HYAL4: variants seen among roughly 807,000 people sequenced by gnomAD.
The protein encoded by HYAL4 is hyaluronidase-4.
In HYAL4, 37 loss-of-function variants were observed where a neutral mutation model predicts 35.2. The observed-to-expected ratio is 1.05, with a 90% CI of 0.81 to 1.38. The LOEUF (loss-of-function observed/expected upper bound fraction) is 1.38. Ranked by LOEUF, HYAL4 falls within the 40% of genes most tolerant of loss-of-function variation. HYAL4 has a pLI of 0.00. For synonymous variants in HYAL4, 198 were observed against 203.2 expected, an observed-to-expected ratio of 0.97 and a Z score of 0.22; for missense variants, 572 against 572.4, an observed-to-expected ratio of 1.00 and a Z score of 0.01.
At chr7:123,843,306 T>A (rs1024791537), upstream of HYAL4, among the ~76,000 whole-genome samples, 2 of 152,076 alleles carry the variant, frequency 1.3e-5, no homozygotes, top group African/African-American at 4.8e-5. Context: ...TTCTTTTCTT[T>A]AAGAATGTTG....
At chr7:123,873,312 A>G (rs937901019) in intron 3 of HYAL4, among the ~76,000 whole-genome samples, 19 of 152,128 alleles carry the variant, frequency 1.2e-4, no homozygotes, top group Non-Finnish European at 2.1e-4. Context: ...TATTATAATC[A>G]TAGGGAATGA....
upstream of HYAL4, among the ~76,000 whole-genome samples, chr7:123,842,350 T>C (rs750349630): frequency 3.9e-5 from 6 of 152,088 alleles, no homozygotes; most frequent in Non-Finnish European, 7.4e-5. Flanking sequence ...GATTGCACTG[T>C]GGTCTGAGAG....
intron 2 of HYAL4, among the ~76,000 whole-genome samples, chr7:123,862,664 T>C (rs903464788): frequency 1.3e-5 from 2 of 151,808 alleles, no homozygotes; most frequent in Middle Eastern, 3.4e-3. Flanking sequence ...GTGGTGATTA[T>C]TTAAAATATT....
chr7:123,858,029 T>C (rs1402689132), intron 2 of HYAL4, among the ~76,000 whole-genome samples: 1 of 152,098 alleles, frequency 6.6e-6, no homozygotes, highest in Non-Finnish European at 1.5e-5. Context: ...AAACCCTGTC[T>C]CTGCCAAAAT....
At chr7:123,764,962 A>G in the HYAL4 span, among the ~76,000 whole-genome samples, 1 of 152,222 alleles carries the variant, frequency 6.6e-6, no homozygotes, top group Non-Finnish European at 1.5e-5. Context: ...AATATATTCA[A>G]CCAAAGTGTC....
At chr7:123,853,039 T>C (rs1286077579) in intron 2 of HYAL4, among the ~76,000 whole-genome samples, 1 of 152,174 alleles carries the variant, frequency 6.6e-6, no homozygotes, top group East Asian at 1.9e-4. Context: ...TCTCCGTTGG[T>C]CTATCATTGG....
At chr7:123,843,094 C>T (rs1037063262), upstream of HYAL4, among the ~76,000 whole-genome samples, 2 of 151,972 alleles carry the variant, frequency 1.3e-5, no homozygotes, top group Non-Finnish European at 2.9e-5. Context: ...TTCATAGCAT[C>T]GATGGTCTTT....
chr7:123,798,584 G>T, the HYAL4 span, among the ~76,000 whole-genome samples: 1 of 152,162 alleles, frequency 6.6e-6, no homozygotes, highest in African/African-American at 2.4e-5. Flanking sequence ...TGGGACAGGT[G>T]GTTGGGTGTG....
At chr7:123,831,917 G>T (rs2116906324) in intron 1 of HYAL4, among the ~76,000 whole-genome samples, 1 of 152,236 alleles carries the variant, frequency 6.6e-6, no homozygotes, top group Non-Finnish European at 1.5e-5. Context: ...TCATGGAAAA[G>T]GAGTGTAATT....
At chr7:123,840,892 G>T (rs1043131179), upstream of HYAL4, among the ~76,000 whole-genome samples, 1 of 152,024 alleles carries the variant, frequency 6.6e-6, no homozygotes, top group Non-Finnish European at 1.5e-5. Flanking sequence ...TTTGGGCTGA[G>T]ACGATGGGGT....
At chr7:123,856,304 A>G (rs1806435967) in intron 2 of HYAL4, among the ~76,000 whole-genome samples, 1 of 152,078 alleles carries the variant, frequency 6.6e-6, no homozygotes, top group African/African-American at 2.4e-5. Flanking sequence ...GCATTTTTGC[A>G]CTGGTTTTTC....
At chr7:123,805,232 C>T in the HYAL4 span, among the ~76,000 whole-genome samples, 19,104 of 152,206 alleles carry the variant, frequency 0.13, 1,277 homozygotes, top group Non-Finnish European at 0.14. Context: ...ATACATCTGA[C>T]TTTCATATAT....
intron 1 of HYAL4, among the ~76,000 whole-genome samples, chr7:123,845,945 T>A (rs941088647): frequency 1.9e-4 from 29 of 152,216 alleles, no homozygotes; most frequent in African/African-American, 6.8e-4. Context: ...ACCTAGCTGG[T>A]CTGCCAGGCT....
intron 2 of HYAL4, among the ~76,000 whole-genome samples, chr7:123,858,629 T>C (rs993319624): frequency 3.9e-5 from 6 of 152,202 alleles, no homozygotes; most frequent in African/African-American, 1.2e-4. Flanking sequence ...TTCATAAATA[T>C]AATTTTCAAA....
chr7:123,839,498 C>A (rs2116914187), intron 1 of HYAL4, among the ~76,000 whole-genome samples: 1 of 152,156 alleles, frequency 6.6e-6, no homozygotes, highest in Admixed American at 6.5e-5. Context: ...GGGTATATAC[C>A]CAGTAATGGG....
the HYAL4 span, among the ~76,000 whole-genome samples, chr7:123,774,183 A>G: frequency 6.6e-6 from 1 of 152,006 alleles, no homozygotes; most frequent in Non-Finnish European, 1.5e-5. Flanking sequence ...CTATAGGTAT[A>G]TATGACCATG....
chr7:123,861,688 A>G (rs191474304), intron 2 of HYAL4, among the ~76,000 whole-genome samples: 3 of 152,328 alleles, frequency 2.0e-5, no homozygotes, highest in Admixed American at 2.0e-4. Flanking sequence ...TGACACTGAA[A>G]TAGTCATTTT....
In HYAL4 at chr7:123,869,720, T is replaced by C. The variant is rs182066698; in HGVS notation, c.954+493T>C. On this transcript the variant is annotated intron_variant, in intron 3 of 4. Transcript: ENST00000223026. The stretch of plus-strand genomic sequence containing the variant: ...TTTTCTTCAAGATGGAGTTTTTTGT[T>C]CTTGTCACCTAGGCTGGAGTGTAAT... Among the ~76,000 whole-genome samples the C allele has an allele frequency of 1.3e-5, 2 of 152,048 alleles. 1 individual carries two copies. The highest frequency in any genetic ancestry group is 2.9e-5 in the Non-Finnish European group (2 of 67,958).
chr7:123,874,086 T>G, intron 3 of HYAL4, among the ~76,000 whole-genome samples: 1 of 152,184 alleles, frequency 6.6e-6, no homozygotes, highest in East Asian at 1.9e-4. Flanking sequence ...GAAGGAAAAC[T>G]TTTGGATTCT....
Sources: gnomAD v4.1 joint callset for allele counts (sites outside exome capture counted in the v4.1 genomes callset) on GRCh38, gnomAD v4.1.1 for gene constraint, MANE v1.5 for transcripts, NCBI Gene and HGNC (gene_info 2026-07-23, HGNC 2026-07-21) for gene names.